YWHAQ: variants seen among roughly 807,000 people sequenced by gnomAD.
The protein encoded by YWHAQ is 14-3-3 protein theta.
Under a neutral mutation model 28.3 loss-of-function variants are expected in YWHAQ, and 6 were observed. The observed-to-expected ratio is 0.21, with a 90% CI of 0.12 to 0.42. The LOEUF is 0.42. Among genes scored for constraint, YWHAQ ranks in the 10% least tolerant of loss-of-function variants. The probability of loss-of-function intolerance (pLI) is 1.00; values close to 1 mark genes in which losing one functional copy is unlikely to be tolerated. For synonymous variants in YWHAQ, 143 were observed against 119.1 expected (o/e 1.20, Z -1.31); for missense variants, 201 against 305.6 (o/e 0.66, Z 2.55).
At chr2:9,594,875 T>C (rs1384147153) in intron 2 of YWHAQ, among the ~76,000 whole-genome samples, 2 of 152,216 alleles carry the variant, frequency 1.3e-5, no homozygotes, top group East Asian at 1.9e-4. Flanking sequence ...ATGCTAGATG[T>C]GTGGGTGTTC....
chr2:9,628,957 A>T (rs1665830988), intron 2 of YWHAQ: 1 of 150,732 alleles, frequency 6.6e-6, no homozygotes, highest in South Asian at 2.1e-4. Context: ...TATTAGAAAA[A>T]TAGATAGGTT....
rs547582835 is a variant in YWHAQ, at chr2:9,597,985, A to ATTTTTTTTTTT, written c.295-6481_295-6471dup. On this transcript the variant is annotated intron_variant, in intron 2 of 5. Transcript: ENST00000238081. ...CAGGCATGCACCACCATGCCGGGCT[A>ATTTTTTTTTTT]TTTTTTTTTTTTTTTTTTTTTTTTT... Among the ~76,000 whole-genome samples the ATTTTTTTTTTT allele has an allele frequency of 3.7e-3, 233 of 62,460 alleles. 41 individuals carry two copies. The highest frequency in any genetic ancestry group is 0.013 in the African/African-American group (211 of 16,658). 41.0% of individuals were successfully genotyped at this position (62,460 alleles called of 152,430 possible). A position where few individuals can be genotyped will look rare whatever the true frequency, so the allele number is the denominator to read the frequency against.
At chr2:9,610,217 TGACAAGAC>T (rs1301784221) in intron 2 of YWHAQ, among the ~76,000 whole-genome samples, 1 of 152,214 alleles carries the variant, frequency 6.6e-6, no homozygotes, top group East Asian at 1.9e-4. Flanking sequence ...TTAAGGTAAA[TGACAAGAC>T]GACATGGGTC....
At chr2:9,621,953 G>A (rs552334754) in intron 2 of YWHAQ, among the ~76,000 whole-genome samples, 6 of 152,060 alleles carry the variant, frequency 3.9e-5, no homozygotes, top group East Asian at 1.9e-4. Flanking sequence ...ACCAAGCACC[G>A]CATGTTTTCA....
chr2:9,593,907 T>C (rs201325718), intron 2 of YWHAQ, among the ~76,000 whole-genome samples: 1 of 119,228 alleles, frequency 8.4e-6, no homozygotes, highest in East Asian at 2.0e-4. Flanking sequence ...TTAAAAAAAA[T>C]ATATATATAT....
chr2:9,587,471 A>G lies in YWHAQ; in HGVS notation c.621T>C (p.Asn207=), dbSNP rs1330934595. ...DEAIAELDTL[N]EDSYKDSTLI... ...GGGTGCTGTCTTTGTATGAGTCTTC[A>G]TTCAGTGTATCAAGTTCAGCAATGG... Residue 207 remains asparagine, a synonymous_variant, in exon 5 of 6, where the codon AAT becomes AAC. Transcript: ENST00000238081. 1 of 1,610,954 alleles carries G rather than the reference A, an allele frequency of 6.2e-7. No individual in the cohort carries two copies. Among genetic ancestry groups the G allele is most frequent in the Non-Finnish European group, 8.5e-7 (1 of 1,178,110 alleles).
chr2:9,621,171 T>C (rs1376124065), intron 2 of YWHAQ, among the ~76,000 whole-genome samples: 1 of 152,162 alleles, frequency 6.6e-6, no homozygotes, highest in Admixed American at 6.5e-5. Flanking sequence ...AGTTATTTTA[T>C]TTTCTAAAAA....
rs755457718 is a variant in YWHAQ at position 9,630,109 on chromosome 2, G to A, written c.294+50C>T. 26 of 1,568,374 alleles carry A rather than the reference G, an allele frequency of 1.7e-5. No individual in the cohort carries two copies. Among genetic ancestry groups the A allele is most frequent in the Admixed American group, 8.8e-5 (5 of 56,760 alleles). On this transcript the variant is annotated intron_variant, in intron 2 of 5. Coordinates refer to ENST00000238081, the MANE Select transcript of YWHAQ (RefSeq NM_006826.4). The surrounding 1 kb of genome is among the most constrained non-coding windows in gnomAD (Gnocchi z 5.6). ...TTTCCGTGCCCGCGAAACTCTCAATGAAAAGCATCTCACAAAAGGCCTCCC... is the reference window on the plus strand; with the variant it reads ...TTTCCGTGCCCGCGAAACTCTCAATAAAAAGCATCTCACAAAAGGCCTCCC...
chr2:9,602,045 A>T (rs1666704406), intron 2 of YWHAQ, among the ~76,000 whole-genome samples: 1 of 152,224 alleles, frequency 6.6e-6, no homozygotes, highest in Admixed American at 6.5e-5. Flanking sequence ...AGTAATGCCA[A>T]AAAATAAAGC....
chr2:9,624,574 T>C (rs1031947553), intron 2 of YWHAQ, among the ~76,000 whole-genome samples: 1 of 152,024 alleles, frequency 6.6e-6, no homozygotes, highest in Non-Finnish European at 1.5e-5. Context: ...GCATGATGTT[T>C]AGTAGCATTC....
rs1667355857 is a variant in YWHAQ at position 9,630,674 on chromosome 2, G to A, written c.-82-140C>T. On this transcript the variant is annotated intron_variant, in intron 1 of 5. Transcript: ENST00000238081. This position sits in a 1 kb window ranked among gnomAD's most constrained non-coding sequence, Gnocchi z 5.6. The stretch of plus-strand genomic sequence containing the variant: ...TCTCCCCCGCCCCCTCCCCCGCTGG[G>A]CACCCGGGGAGGCCGCGGCCCGCGG... 5.5e-6 allele frequency: 2 copies of A among 362,000 alleles called. No individual in the cohort carries two copies. The highest frequency in any genetic ancestry group is 4.9e-5 in the Admixed American group (1 of 20,472). 22.4% of individuals were successfully genotyped at this position (362,000 alleles called of 1,614,324 possible). A position where few individuals can be genotyped will look rare whatever the true frequency, so the allele number is the denominator to read the frequency against.
chr2:9,594,436 G>A (rs746980411), intron 2 of YWHAQ, among the ~76,000 whole-genome samples: 2 of 152,124 alleles, frequency 1.3e-5, no homozygotes, highest in Non-Finnish European at 2.9e-5. Flanking sequence ...TAGTGAGATA[G>A]TCACAAAAAA....
At chr2:9,606,283 C>T (rs528685344) in intron 2 of YWHAQ, among the ~76,000 whole-genome samples, 6 of 152,216 alleles carry the variant, frequency 3.9e-5, no homozygotes, top group South Asian at 4.1e-4. Flanking sequence ...ACACCTTTTC[C>T]GGCCAGGCTT....
intron 2 of YWHAQ, among the ~76,000 whole-genome samples, chr2:9,614,075 G>A (rs868678842): frequency 2.0e-5 from 3 of 152,108 alleles, no homozygotes; most frequent in Non-Finnish European, 2.9e-5. Context: ...CAGTCTCTGG[G>A]CTCCTATGCT....
In YWHAQ at chr2:9,585,339, T is replaced by C; in HGVS notation, c.685A>G (p.Thr229Ala). The stretch of plus-strand genomic sequence containing the variant: ...CATTCTTCTCCTGCACTGTCTGATG[T>C]CCAAAGCTAGAAAAAGAAGAATCAT... ...QLLRDNLTLW[T>A]SDSAGEECDA... is the part of the protein sequence containing the mutation. The change falls in exon 6 of 6, where the codon ACA becomes GCA. Residue 229 changes from threonine to alanine, a missense_variant. Coordinates refer to ENST00000238081, the MANE Select transcript of YWHAQ (RefSeq NM_006826.4). 1 of 1,614,090 alleles carries C rather than the reference T, an allele frequency of 6.2e-7. No homozygotes were observed. The highest frequency in any genetic ancestry group is 8.5e-7 in the Non-Finnish European group (1 of 1,179,972).
chr2:9,625,735 A>G (rs1241171040), intron 2 of YWHAQ, among the ~76,000 whole-genome samples: 1 of 152,214 alleles, frequency 6.6e-6, no homozygotes, highest in Non-Finnish European at 1.5e-5. Flanking sequence ...TGTGCAGTGA[A>G]TACCTGGTAA....
At chr2:9,626,460 C>T (rs1306364814) in intron 2 of YWHAQ, among the ~76,000 whole-genome samples, 2 of 152,160 alleles carry the variant, frequency 1.3e-5, no homozygotes, top group Non-Finnish European at 2.9e-5. Flanking sequence ...TTCAGAGTCT[C>T]GCTCTGTGGC....
At chr2:9,587,872 A>G (rs182877644) in intron 4 of YWHAQ, among the ~76,000 whole-genome samples, 57 of 152,242 alleles carry the variant, frequency 3.7e-4, no homozygotes, top group African/African-American at 1.3e-3. Flanking sequence ...TAGTAACCAA[A>G]CCTGGCAGGC....
intron 2 of YWHAQ, among the ~76,000 whole-genome samples, chr2:9,615,706 A>G (rs1022979460): frequency 6.6e-6 from 1 of 152,186 alleles, no homozygotes; most frequent in African/African-American, 2.4e-5. Context: ...TAAAGCCTAG[A>G]TTCTTCCCCA....
Sources: allele counts gnomAD v4.1 joint callset (sites outside exome capture counted in the v4.1 genomes callset), GRCh38; gene constraint gnomAD v4.1.1; non-coding constraint Gnocchi (gnomAD v3.1); transcripts MANE v1.5; gene names NCBI Gene and HGNC (gene_info 2026-07-23, HGNC 2026-07-21).